The following DIAPH1 variants were observed in gnomAD, a reference collection of about 807,000 sequenced individuals.
DIAPH1 encodes the protein diaphanous related formin 1, also known as protein diaphanous homolog 1.
DIAPH1 carries 46 observed loss-of-function variants against 140.7 expected under a neutral mutation model. The observed-to-expected ratio is 0.33, with a 90% confidence interval of 0.26 to 0.42. The LOEUF (loss-of-function observed/expected upper bound fraction) is 0.42, where lower values mean the gene tolerates loss of function less well. Ranked by LOEUF, DIAPH1 falls within the 10% of genes least tolerant of loss-of-function variation. The pLI, the probability that DIAPH1 is intolerant of heterozygous loss-of-function variation, is 1.00. For missense variants in DIAPH1, 1,310 were observed against 1,558.7 expected (o/e 0.84, Z 2.69); for synonymous variants, 565 against 551.6 (o/e 1.02, Z -0.34).
chr5:141,595,391 T>C (rs1206103761), intron 1 of DIAPH1, among the ~76,000 whole-genome samples: 2 of 152,234 alleles, frequency 1.3e-5, no homozygotes, highest in East Asian at 1.9e-4. Context: ...ATGTTGACAA[T>C]GGGGGAGGCC....
intron 18 of DIAPH1, chr5:141,535,990 C>T (rs529534415): frequency 4.1e-5 from 19 of 469,042 alleles, no homozygotes; most frequent in Non-Finnish European, 6.6e-5. Flanking sequence ...ACAAAAGGTA[C>T]AAAGAACTAT....
intron 1 of DIAPH1, among the ~76,000 whole-genome samples, chr5:141,601,469 T>C (rs895297498): frequency 5.3e-5 from 8 of 152,076 alleles, no homozygotes; most frequent in African/African-American, 1.7e-4. Flanking sequence ...TCTATTTTTT[T>C]AGTAGAGAAA....
intron 1 of DIAPH1, among the ~76,000 whole-genome samples, chr5:141,606,452 T>C (rs1212403575): frequency 6.6e-6 from 1 of 152,206 alleles, no homozygotes; most frequent in Admixed American, 6.5e-5. Context: ...TGGAGTGCAA[T>C]GGCACAATCT....
At chr5:141,530,192 C>A (rs1223787412) in intron 19 of DIAPH1, among the ~76,000 whole-genome samples, 4 of 152,218 alleles carry the variant, frequency 2.6e-5, no homozygotes, top group Non-Finnish European at 5.9e-5. Flanking sequence ...ATCCTATTCC[C>A]TAACAAATAC....
intron 18 of DIAPH1, among the ~76,000 whole-genome samples, chr5:141,567,244 G>C (rs1291897914): frequency 6.6e-6 from 1 of 152,142 alleles, no homozygotes; most frequent in Non-Finnish European, 1.5e-5. Context: ...GGGGTGTAGA[G>C]GGGTATATGA....
intron 10 of DIAPH1, 42 bp downstream of exon 10, chr5:141,578,473 A>G: frequency 6.4e-7 from 1 of 1,566,618 alleles, no homozygotes; most frequent in Middle Eastern, 1.7e-4. Context: ...GTAGAGCAAG[A>G]AGGAACCAGT....
At chr5:141,573,359 C>G in intron 16 of DIAPH1, 133 bp downstream of exon 16, 1 of 1,111,674 alleles carries the variant, frequency 9.0e-7, no homozygotes, top group Non-Finnish European at 1.3e-6. Context: ...GGCGTGAACC[C>G]GGGAGGCGGA....
intron 1 of DIAPH1, among the ~76,000 whole-genome samples, chr5:141,616,804 G>C (rs1200805648): frequency 6.6e-6 from 1 of 151,994 alleles, no homozygotes; most frequent in African/African-American, 2.4e-5. Context: ...GACTAACACC[G>C]CAGAAAGAAA....
intron 18 of DIAPH1, chr5:141,557,789 T>C (rs374017483): frequency 9.8e-5 from 15 of 152,342 alleles, no homozygotes; most frequent in African/African-American, 3.6e-4. Context: ...GCGGCATCGA[T>C]TGCTCAGGAT....
intron 12 of DIAPH1, 52 bp downstream of exon 12, chr5:141,577,423 C>T (rs568829599): frequency 8.1e-7 from 1 of 1,233,836 alleles, no homozygotes; most frequent in Non-Finnish European, 1.2e-6. Flanking sequence ...AAGGAATTCA[C>T]TCTCTCCACT....
intron 1 of DIAPH1, among the ~76,000 whole-genome samples, chr5:141,601,194 T>G (rs2154597084): frequency 6.6e-6 from 1 of 150,978 alleles, no homozygotes; most frequent in South Asian, 2.1e-4. Flanking sequence ...ACCTGCACGT[T>G]GTACACATAC....
rs2099903133 is a variant in DIAPH1 at position 141,618,849 on chromosome 5, G to A, written c.66C>T (p.Ser22=). The A allele has an allele frequency of 6.5e-7, 1 of 1,538,904 alleles. No individual in the cohort carries two copies. The highest frequency in any genetic ancestry group is 8.8e-7 in the Non-Finnish European group (1 of 1,142,206). The change falls in exon 1 of 28, where the codon AGC becomes AGT. Residue 22 remains serine, a synonymous_variant. Transcript: ENST00000389054. ...RGTRDKKKGR[S]PDELPSAGGD... ...CGCCCGCCGAGGGCAGCTCATCTGG[G>A]CTCCGGCCCTTCTTCTTGTCCCGGG... is the stretch of plus-strand genomic sequence containing the variant.
chr5:141,530,021 T>C (rs1596340675), intron 19 of DIAPH1, among the ~76,000 whole-genome samples: 2 of 152,064 alleles, frequency 1.3e-5, no homozygotes. Context: ...GAGGTCAAGG[T>C]TGCAGTGAGC....
intron 18 of DIAPH1, among the ~76,000 whole-genome samples, chr5:141,541,902 A>G (rs2099890044): frequency 6.6e-6 from 1 of 152,156 alleles, no homozygotes; most frequent in Non-Finnish European, 1.5e-5. Context: ...ACCTATATAA[A>G]TGGAAAGATA....
intron 1 of DIAPH1, among the ~76,000 whole-genome samples, chr5:141,617,033 C>G (rs906365832): frequency 1.3e-5 from 2 of 152,150 alleles, no homozygotes; most frequent in African/African-American, 4.8e-5. Context: ...AAATTCTACT[C>G]AAGACATGAA....
At chr5:141,603,963 T>C (rs1357508333) in intron 1 of DIAPH1, among the ~76,000 whole-genome samples, 1 of 152,192 alleles carries the variant, frequency 6.6e-6, no homozygotes, top group African/African-American at 2.4e-5. Context: ...CTGGTATCAC[T>C]ATTCCAGCAC....
intron 18 of DIAPH1, among the ~76,000 whole-genome samples, chr5:141,548,861 T>C (rs2099891244): frequency 6.6e-6 from 1 of 152,094 alleles, no homozygotes; most frequent in African/African-American, 2.4e-5. Flanking sequence ...ATCTAGAGGG[T>C]AGTAAAATTA....
At chr5:141,577,427 C>T (rs374131126) in intron 12 of DIAPH1, 48 bp downstream of exon 12, 6 of 1,274,570 alleles carry the variant, frequency 4.7e-6, no homozygotes, top group Admixed American at 3.4e-5. Flanking sequence ...AATTCACTCT[C>T]TCCACTTAGG....
chr5:141,583,565 C>T lies in DIAPH1; in HGVS notation c.453G>A (p.Glu151=), dbSNP rs749681806. 22 of 1,614,130 alleles carry T rather than the reference C, an allele frequency of 1.4e-5. No homozygotes were observed. In the African/African-American group the frequency reaches 1.6e-4, roughly 12 times the overall value. ...SSKSAMMYIQ[E]LRSGLRDMPL... is the part of the protein sequence containing the mutation. ...GCATATCCCGCAAGCCTGACCTCAA[C>T]TCCTGAATATACATCATGGCAGACT... Residue 151 remains glutamate, a synonymous_variant, in exon 5 of 28, where the codon GAG becomes GAA. Coordinates refer to ENST00000389054, the MANE Select transcript of DIAPH1 (RefSeq NM_005219.5).
Sources: gnomAD v4.1 joint callset for allele counts (sites outside exome capture counted in the v4.1 genomes callset) on GRCh38, gnomAD v4.1.1 for gene constraint, MANE v1.5 for transcripts, NCBI Gene and HGNC (gene_info 2026-07-23, HGNC 2026-07-21) for gene names.